Variants in STK3 observed in about 807,000 individuals in gnomAD.
The protein encoded by STK3 is serine/threonine-protein kinase 3.
Under a neutral mutation model 58.0 loss-of-function variants are expected in STK3, and 41 were observed. The observed-to-expected ratio is 0.71, with a 90% confidence interval of 0.55 to 0.92. STK3 has a LOEUF of 0.92. Among genes scored for constraint, STK3 ranks in the 40% least tolerant of loss-of-function variants. The pLI is 0.00. For missense variants in STK3, 479 were observed against 602.7 expected, an observed-to-expected ratio of 0.79 and a Z score of 2.15; for synonymous variants, 170 against 191.0, an observed-to-expected ratio of 0.89 and a Z score of 0.91.
At chr8:98,807,152 C>CA (rs1039866302) in intron 1 of STK3, among the ~76,000 whole-genome samples, 8,146 of 54,528 alleles carry the variant, frequency 0.15, 672 homozygotes, top group African/African-American at 0.3. Context: ...GACTCCGTCT[C>CA]AAAAAAAAAA....
rs1586600829 is a variant in STK3, at chr8:98,455,654, T to C, written c.*188A>G. ...TTCTTTTGTTCTCCTCATCTTAGAG[T>C]GAATGCACAGCAGATACAACTGTCA... On this transcript the variant is annotated 3_prime_UTR_variant, in exon 11 of 11. Transcript: ENST00000419617. 3 of 620,880 alleles carry C rather than the reference T, an allele frequency of 4.8e-6. No homozygotes were observed. The highest frequency in any genetic ancestry group is 3.7e-5 in the African/African-American group (2 of 54,098). The allele number at this position is 620,880 out of a possible 1,614,324, so 38.5% of individuals were successfully genotyped here.
At chr8:98,904,768 A>G in intron 1 of STK3, 1 of 718,680 alleles carries the variant, frequency 1.4e-6, no homozygotes, top group Non-Finnish European at 2.5e-6. Flanking sequence ...GCGGTTCCAC[A>G]ATAGGAGGAA....
chr8:98,395,030 G>C (rs1192140217), intron 3 of STK3, among the ~76,000 whole-genome samples: 1 of 152,212 alleles, frequency 6.6e-6, no homozygotes, highest in East Asian at 1.9e-4. Flanking sequence ...AAAGCCACAG[G>C]GTGGTGGTGT....
At chr8:98,852,999 T>C (rs1472896022) in intron 3 of STK3, among the ~76,000 whole-genome samples, 1 of 152,036 alleles carries the variant, frequency 6.6e-6, no homozygotes, top group Non-Finnish European at 1.5e-5. Flanking sequence ...TATTCCAAAA[T>C]ATGAAAAAAA....
At chr8:98,893,446 G>C (rs1207778661) in intron 1 of STK3, among the ~76,000 whole-genome samples, 7 of 83,594 alleles carry the variant, frequency 8.4e-5, no homozygotes, top group African/African-American at 3.9e-4. Context: ...AAGAAAGAAA[G>C]AAAGAAAGAA....
chr8:98,511,907 T>C (rs568528842), intron 10 of STK3, among the ~76,000 whole-genome samples: 1 of 152,308 alleles, frequency 6.6e-6, no homozygotes, highest in East Asian at 1.9e-4. Context: ...ACTGTTTTAA[T>C]GTTTTAGTTA....
intron 3 of STK3, among the ~76,000 whole-genome samples, chr8:98,420,375 C>T (rs11775820): frequency 0.2 from 29,817 of 152,082 alleles, 3,274 homozygotes; most frequent in African/African-American, 0.29. Context: ...GTGACATTGA[C>T]ATATTGTTAT....
At chr8:98,489,122 A>C (rs747574578) in intron 10 of STK3, among the ~76,000 whole-genome samples, 4 of 152,158 alleles carry the variant, frequency 2.6e-5, no homozygotes, top group Non-Finnish European at 2.9e-5. Context: ...CAATGCTGTC[A>C]AAAAGGCCCT....
intron 8 of STK3, among the ~76,000 whole-genome samples, chr8:98,550,031 TCTG>T (rs1329280511): frequency 6.6e-6 from 1 of 152,094 alleles, no homozygotes; most frequent in Non-Finnish European, 1.5e-5. Context: ...GACCAAAGAA[TCTG>T]CTATTTAGAA....
intron 6 of STK3, among the ~76,000 whole-genome samples, chr8:98,670,838 A>G (rs1300955722): frequency 6.6e-6 from 1 of 152,116 alleles, no homozygotes; most frequent in Non-Finnish European, 1.5e-5. Context: ...ACTCAATAAA[A>G]TTCTCTGTCC....
rs1239708854 is a variant in STK3, at chr8:98,722,779, T to C, written c.352-15468A>G. On this transcript the variant is annotated intron_variant, in intron 4 of 10. Coordinates refer to ENST00000419617, the MANE Select transcript of STK3 (RefSeq NM_006281.4). ...CTGTAAGACTTTTCATGAGGCTGGATAGGTCCATACCCAACTATTTCAAAA... is the reference window on the plus strand; with the variant it reads ...CTGTAAGACTTTTCATGAGGCTGGACAGGTCCATACCCAACTATTTCAAAA... 6 of 303,394 alleles carry C rather than the reference T, an allele frequency of 2.0e-5. 1 individual carries two copies. In the East Asian group the frequency reaches 3.7e-4, roughly 19 times the overall value. The allele number at this position is 303,394 out of a possible 1,614,324, so 18.8% of individuals were successfully genotyped here.
At position 98,607,834 on chromosome 8, in the gene STK3, T is replaced by C. The variant is rs569867346; in HGVS notation, c.685-11665A>G. 2.0e-5 allele frequency among the ~76,000 whole-genome samples: 3 copies of C among 152,226 alleles called. No individual in the cohort carries two copies. In the South Asian group the frequency reaches 6.2e-4, roughly 32 times the overall value. ...GGTTTTTGATAACAATTATAAAATT[T>C]AAGCTTTCAGTTGAAAAGTCAAATT... On this transcript the variant is annotated intron_variant, in intron 6 of 10. Coordinates refer to ENST00000419617, the MANE Select transcript of STK3 (RefSeq NM_006281.4).
chr8:98,693,094 T>C (rs1824531444), intron 6 of STK3, among the ~76,000 whole-genome samples: 1 of 152,096 alleles, frequency 6.6e-6, no homozygotes, highest in Non-Finnish European at 1.5e-5. Context: ...TTGAGGTAGA[T>C]AGACAAAAAA....
Position 98,428,823 on chromosome 8 carries a change from G to C in STK3, n.483+5304C>G, listed in dbSNP as rs773665267. 14 of 1,614,028 alleles carry C rather than the reference G, an allele frequency of 8.7e-6. No homozygotes were observed. The highest frequency in any genetic ancestry group is 1.1e-5 in the South Asian group (1 of 91,070). ...CACTCTGGTGGTGAACCTGGTGGTG[G>C]AGAGCACACCTACTTTAGCCAACTT... is the stretch of plus-strand genomic sequence containing the variant. On this transcript the variant is annotated intron_variant and non_coding_transcript_variant, in intron 3 of 3. Coordinates refer to the STK3 transcript ENST00000517832. The surrounding 1 kb of genome is among the most constrained non-coding windows in gnomAD (Gnocchi z 6.7).
Position 98,831,039 on chromosome 8 carries a change from C to T in STK3, c.110+52608G>A, listed in dbSNP as rs114284995. On this transcript the variant is annotated intron_variant, in intron 3 of 12. Transcript: ENST00000523601. ...TGCTTCCAACAGCTCCATTTGGAAT[C>T]GAGATTAAATATACACTTTAATTAT... Among the ~76,000 whole-genome samples, 344 of 149,388 alleles carry T rather than the reference C, an allele frequency of 2.3e-3. 3 individuals are homozygous for T. The highest frequency in any genetic ancestry group is 8.2e-3 in the African/African-American group (331 of 40,504).
intron 6 of STK3, chr8:98,602,258 C>T (rs919531810): frequency 6.6e-6 from 1 of 152,222 alleles, no homozygotes; most frequent in African/African-American, 2.4e-5. Context: ...AAATCACCAA[C>T]GTGATGGTAT....
intron 1 of STK3, among the ~76,000 whole-genome samples, chr8:98,930,444 C>G (rs1001185394): frequency 6.6e-6 from 1 of 152,166 alleles, no homozygotes; most frequent in Admixed American, 6.5e-5. Context: ...ATACAGTTCA[C>G]AAGTAAATCC....
chr8:98,538,992 G>A (rs1810007599), intron 9 of STK3, among the ~76,000 whole-genome samples: 1 of 152,212 alleles, frequency 6.6e-6, no homozygotes, highest in African/African-American at 2.4e-5. Context: ...AGAGGGACCT[G>A]TAGTTTACTG....
At chr8:98,740,565 G>A (rs1004006712) in intron 4 of STK3, among the ~76,000 whole-genome samples, 1 of 152,158 alleles carries the variant, frequency 6.6e-6, no homozygotes, top group Non-Finnish European at 1.5e-5. Context: ...GTCACCACCA[G>A]GCGTGCCCTA....
Sources: gnomAD v4.1 joint callset for allele counts (sites outside exome capture counted in the v4.1 genomes callset) on GRCh38, gnomAD v4.1.1 for gene constraint, Gnocchi (gnomAD v3.1) non-coding constraint, MANE v1.5 for transcripts, NCBI Gene and HGNC (gene_info 2026-07-23, HGNC 2026-07-21) for gene names.